The following LPP variants were observed in gnomAD, a reference collection of about 807,000 sequenced individuals.
LPP encodes LIM domain containing preferred translocation partner in lipoma.
In LPP, 38 loss-of-function variants were observed where a neutral mutation model predicts 60.4. The observed-to-expected ratio is 0.63, with a 90% CI of 0.49 to 0.83. The LOEUF is 0.83. LPP is among the 40% of genes least tolerant of loss of function. The pLI is 0.00. For synonymous variants in LPP, 328 were observed against 290.8 expected (o/e 1.13, Z -1.30); for missense variants, 902 against 783.6 (o/e 1.15, Z -1.80).
intron 9 of LPP, among the ~76,000 whole-genome samples, chr3:188,847,880 A>G (rs1761840305): frequency 6.6e-6 from 1 of 152,214 alleles, no homozygotes; most frequent in South Asian, 2.1e-4. Flanking sequence ...ATTATGGAGA[A>G]TTTTGTTAGG....
At chr3:188,684,898 T>C (rs1223139564) in intron 7 of LPP, among the ~76,000 whole-genome samples, 4 of 152,352 alleles carry the variant, frequency 2.6e-5, no homozygotes, top group Non-Finnish European at 5.9e-5. Context: ...TTAAGATCCC[T>C]GAATATGTGC....
intron 8 of LPP, among the ~76,000 whole-genome samples, chr3:188,743,392 G>T (rs1387820271): frequency 6.6e-6 from 1 of 151,924 alleles, no homozygotes; most frequent in Non-Finnish European, 1.5e-5. Context: ...TTGTACTAGG[G>T]TTAAGCGTGT....
chr3:188,636,163 C>G (rs1006006504), intron 7 of LPP, among the ~76,000 whole-genome samples: 9 of 152,300 alleles, frequency 5.9e-5, no homozygotes, highest in African/African-American at 1.7e-4. Flanking sequence ...TCTCACTAGG[C>G]AGTGCCAGAC....
rs188367891 is a variant in LPP at position 188,857,564 on chromosome 3, T to C, written c.1411-8636T>C. Among the ~76,000 whole-genome samples the C allele has an allele frequency of 3.3e-3, 507 of 152,346 alleles. 3 individuals are homozygous for C. The highest frequency in any genetic ancestry group is 0.012 in the African/African-American group (493 of 41,580). ...TTGTACCAAATCAAAGTATCAGTTA[T>C]TATTTTTGGTGTATAAAGGAATATA... On this transcript the variant is annotated intron_variant, in intron 9 of 11. Coordinates refer to ENST00000617246, the MANE Select transcript of LPP (RefSeq NM_001375462.1).
intron 5 of LPP, among the ~76,000 whole-genome samples, chr3:188,502,827 A>T (rs1277338557): frequency 6.6e-6 from 1 of 152,262 alleles, no homozygotes; most frequent in Non-Finnish European, 1.5e-5. Context: ...CACCTAATAT[A>T]AAGCTTATTT....
At chr3:188,451,967 G>A (rs1035564842) in intron 4 of LPP, among the ~76,000 whole-genome samples, 2 of 152,122 alleles carry the variant, frequency 1.3e-5, no homozygotes, top group Admixed American at 1.3e-4. Flanking sequence ...TTTGAGATGA[G>A]GCCGAAAAAA....
At position 188,325,480 on chromosome 3, in the gene LPP, G is replaced by A. The variant is rs78273757; in HGVS notation, c.-66-16183G>A. 9.0e-3 allele frequency among the ~76,000 whole-genome samples: 1,376 copies of A among 152,202 alleles called. 3 individuals are homozygous for A. Among genetic ancestry groups the A allele is most frequent in the Non-Finnish European group, 0.015 (992 of 68,020 alleles). On this transcript the variant is annotated intron_variant, in intron 2 of 11. Coordinates refer to ENST00000617246, the MANE Select transcript of LPP (RefSeq NM_001375462.1). ...AGCTCTTCCCCATTCTTTAGCTAAAGTAGCACACATACCCCCCTCCCCATC... is the reference window on the plus strand; with the variant it reads ...AGCTCTTCCCCATTCTTTAGCTAAAATAGCACACATACCCCCCTCCCCATC...
chr3:188,509,794 G>A (rs1357653833), intron 5 of LPP, among the ~76,000 whole-genome samples: 5 of 150,252 alleles, frequency 3.3e-5, no homozygotes, highest in South Asian at 4.2e-4. Context: ...CTGGGTTCAA[G>A]CGATTCTCCT....
At chr3:188,691,294 A>G (rs1862069865) in intron 7 of LPP, among the ~76,000 whole-genome samples, 1 of 152,232 alleles carries the variant, frequency 6.6e-6, no homozygotes, top group Admixed American at 6.5e-5. Flanking sequence ...GGTGAAGGCC[A>G]TGGACTATAG....
At chr3:188,500,309 A>G (rs1451679682) in intron 5 of LPP, among the ~76,000 whole-genome samples, 1 of 152,118 alleles carries the variant, frequency 6.6e-6, no homozygotes, top group Non-Finnish European at 1.5e-5. Flanking sequence ...ATGAAAGGAT[A>G]TTGAATTTTG....
At chr3:188,545,292 T>TTGTAAG (rs1826314276) in intron 6 of LPP, among the ~76,000 whole-genome samples, 1 of 151,624 alleles carries the variant, frequency 6.6e-6, no homozygotes, top group African/African-American at 2.4e-5. Context: ...AGAAAATTCT[T>TTGTAAG]TGTAAGCTAT....
rs1164770818 is a variant in LPP, at chr3:188,881,806, A to G, written c.*7327A>G. 9.1e-6 allele frequency: 2 copies of G among 218,596 alleles called. No homozygotes were observed. The highest frequency in any genetic ancestry group is 1.8e-5 in the Non-Finnish European group (2 of 108,950). The allele number at this position is 218,596 out of a possible 1,614,324, so 13.5% of individuals were successfully genotyped here. A position where few individuals can be genotyped will look rare whatever the true frequency, so the allele number is the denominator to read the frequency against. On this transcript the variant is annotated 3_prime_UTR_variant, in exon 12 of 12. Coordinates refer to ENST00000617246, the MANE Select transcript of LPP (RefSeq NM_001375462.1). ...TTTCCTCCATATTTTCATATTAAAT[A>G]TTAACACTTTATAGGTTCTACTTTA...
At position 188,640,550 on chromosome 3, in the gene LPP, G is replaced by GA. The variant is rs59702077; in HGVS notation, c.1113+30718dup. Among the ~76,000 whole-genome samples, 999 of 137,142 alleles carry GA rather than the reference G, an allele frequency of 7.3e-3. 5 individuals carry two copies. The highest frequency in any genetic ancestry group is 0.011 in the Non-Finnish European group (725 of 63,110). 90.0% of individuals were successfully genotyped at this position (137,142 alleles called of 152,430 possible). ...AATAATAATAATAAAAGTTTGGGAC[G>GA]AAAAAAAAAAAAGAAACAGATCCCT... On this transcript the variant is annotated intron_variant, in intron 7 of 11. Transcript: ENST00000617246.
intron 9 of LPP, among the ~76,000 whole-genome samples, chr3:188,783,908 C>A (rs547695262): frequency 3.1e-4 from 47 of 152,028 alleles, no homozygotes; most frequent in Non-Finnish European, 5.4e-4. Context: ...TTCCTTGGCA[C>A]CCCAGCCTCC....
At chr3:188,664,470 A>G (rs368850004) in intron 7 of LPP, among the ~76,000 whole-genome samples, 9 of 152,344 alleles carry the variant, frequency 5.9e-5, no homozygotes, top group Non-Finnish European at 1.2e-4. Context: ...TGTGAAGTTC[A>G]AGTCCTGTGT....
At chr3:188,490,899 C>T (rs1382666594) in intron 5 of LPP, among the ~76,000 whole-genome samples, 1 of 151,768 alleles carries the variant, frequency 6.6e-6, no homozygotes, top group Non-Finnish European at 1.5e-5. Flanking sequence ...GGACCACAGG[C>T]ACCCACCACC....
At position 188,850,117 on chromosome 3, in the gene LPP, G is replaced by C. The variant is rs1762384751; in HGVS notation, c.1411-16083G>C. On this transcript the variant is annotated intron_variant, in intron 9 of 11. Coordinates refer to ENST00000617246, the MANE Select transcript of LPP (RefSeq NM_001375462.1). ...TGAATGAAGTTTTTAGTTTTTATCT[G>C]CCTGAGTGAGTCTGATGTGCTATTG... is the stretch of plus-strand genomic sequence containing the variant. Among the ~76,000 whole-genome samples the C allele has an allele frequency of 2.0e-5, 3 of 152,192 alleles. No homozygotes were observed. In the South Asian group the frequency reaches 6.2e-4, roughly 31 times the overall value.
At chr3:188,370,796 T>C (rs1439634952) in intron 3 of LPP, among the ~76,000 whole-genome samples, 1 of 152,196 alleles carries the variant, frequency 6.6e-6, no homozygotes, top group Non-Finnish European at 1.5e-5. Context: ...AGGGGAAACC[T>C]GTTTCAAGCT....
At chr3:188,810,806 G>T (rs572178419) in intron 9 of LPP, among the ~76,000 whole-genome samples, 1 of 152,004 alleles carries the variant, frequency 6.6e-6, no homozygotes, top group Non-Finnish European at 1.5e-5. Context: ...TTATTGTATG[G>T]GTGGGAGTGG....
Sources: allele counts gnomAD v4.1 joint callset (sites outside exome capture counted in the v4.1 genomes callset), GRCh38; gene constraint gnomAD v4.1.1; transcripts MANE v1.5; gene names NCBI Gene and HGNC (gene_info 2026-07-23, HGNC 2026-07-21).